Variants in LRRTM4 observed in about 807,000 individuals in gnomAD.
LRRTM4 encodes leucine rich repeat transmembrane neuronal 4.
In LRRTM4, 25 loss-of-function variants were observed where a neutral mutation model predicts 47.6. The ratio of observed to expected loss-of-function variants is 0.53; its 90% CI spans 0.38 to 0.73. The LOEUF (loss-of-function observed/expected upper bound fraction) is 0.73. LRRTM4 is among the 30% of genes least tolerant of loss of function. The pLI is 0.00. For missense variants in LRRTM4, 638 were observed against 713.4 expected (o/e 0.89, Z 1.20); for synonymous variants, 311 against 269.5 (o/e 1.15, Z -1.51).
chr2:77,220,010 T>A (rs1171009580), intron 3 of LRRTM4, among the ~76,000 whole-genome samples: 1 of 152,042 alleles, frequency 6.6e-6, no homozygotes, highest in Non-Finnish European at 1.5e-5. Context: ...AGACAAAACT[T>A]CCAGAGGAAT....
At chr2:77,517,071 T>C in intron 3 of LRRTM4, 1 of 985,132 alleles carries the variant, frequency 1.0e-6, no homozygotes. Flanking sequence ...TTCACTAGTT[T>C]CTTCCAGCAA....
chr2:77,247,527 A>G (rs759196244), intron 3 of LRRTM4, among the ~76,000 whole-genome samples: 11 of 152,132 alleles, frequency 7.2e-5, no homozygotes, highest in Non-Finnish European at 1.5e-4. Context: ...CACTCAGAAC[A>G]GAACTACTTT....
intron 3 of LRRTM4, among the ~76,000 whole-genome samples, chr2:77,045,310 C>T (rs1679197539): frequency 6.6e-6 from 1 of 151,870 alleles, no homozygotes; most frequent in Non-Finnish European, 1.5e-5. Context: ...CAACAGTTGT[C>T]TTTTCCTCAT....
At chr2:77,036,742 T>C (rs980588083) in intron 3 of LRRTM4, among the ~76,000 whole-genome samples, 5 of 151,728 alleles carry the variant, frequency 3.3e-5, no homozygotes, top group Non-Finnish European at 7.4e-5. Flanking sequence ...AGCTGGATAT[T>C]GCTGAATATC....
chr2:77,012,337 C>T (rs543978785), intron 3 of LRRTM4, among the ~76,000 whole-genome samples: 6 of 151,814 alleles, frequency 4.0e-5, no homozygotes, highest in South Asian at 4.2e-4. Context: ...AGGTTTGAAA[C>T]GGATGTTCTA....
chr2:77,260,384 T>A (rs1675887733), intron 3 of LRRTM4, among the ~76,000 whole-genome samples: 1 of 147,800 alleles, frequency 6.8e-6, no homozygotes, highest in East Asian at 2.0e-4. Context: ...CGTGTGTGTG[T>A]GTGTGTGTGT....
intron 3 of LRRTM4, among the ~76,000 whole-genome samples, chr2:77,019,446 C>T (rs1230962193): frequency 6.6e-6 from 1 of 151,850 alleles, no homozygotes; most frequent in Non-Finnish European, 1.5e-5. Flanking sequence ...TCTATGTGAC[C>T]TCAGGAAGGT....
At chr2:77,105,465 C>A (rs1671069755) in intron 3 of LRRTM4, among the ~76,000 whole-genome samples, 1 of 132,834 alleles carries the variant, frequency 7.5e-6, no homozygotes, top group Non-Finnish European at 1.5e-5. Context: ...ACAATGAGAA[C>A]ACATGGACAC....
At chr2:77,171,394 A>C (rs1488671253) in intron 3 of LRRTM4, among the ~76,000 whole-genome samples, 1 of 152,050 alleles carries the variant, frequency 6.6e-6, no homozygotes, top group East Asian at 1.9e-4. Context: ...CTCCTGCCTC[A>C]ACCTCCCAAG....
At chr2:77,010,545 C>CACACACACACACACACACACAG (rs370829024) in intron 3 of LRRTM4, among the ~76,000 whole-genome samples, 2 of 148,858 alleles carry the variant, frequency 1.3e-5, no homozygotes, top group Non-Finnish European at 3.0e-5. Flanking sequence ...CACACACACA[C>CACACACACACACACACACACAG]AGTCTTTAAC....
At chr2:76,798,182 T>A (rs1217546635) in intron 3 of LRRTM4, among the ~76,000 whole-genome samples, 4 of 152,160 alleles carry the variant, frequency 2.6e-5, no homozygotes, top group Non-Finnish European at 2.9e-5. Context: ...TATTCCAAAA[T>A]TGACCACATA....
At chr2:76,944,889 G>T (rs1051124688) in intron 3 of LRRTM4, among the ~76,000 whole-genome samples, 2 of 152,020 alleles carry the variant, frequency 1.3e-5, no homozygotes, top group East Asian at 1.9e-4. Context: ...TATTACTCAG[G>T]AATATTTACC....
intron 3 of LRRTM4, among the ~76,000 whole-genome samples, chr2:77,435,433 T>G (rs1675550123): frequency 1.3e-5 from 2 of 152,218 alleles, no homozygotes; most frequent in African/African-American, 2.4e-5. Flanking sequence ...CTAAACATTC[T>G]TAGGTCAATT....
At chr2:77,138,618 A>T (rs897746329) in intron 3 of LRRTM4, among the ~76,000 whole-genome samples, 20 of 152,322 alleles carry the variant, frequency 1.3e-4, no homozygotes, top group African/African-American at 4.3e-4. Flanking sequence ...GAAATAACTA[A>T]GATCAGAGCA....
chr2:77,161,662 T>C (rs1672732466), intron 3 of LRRTM4, among the ~76,000 whole-genome samples: 1 of 152,100 alleles, frequency 6.6e-6, no homozygotes, highest in Non-Finnish European at 1.5e-5. Flanking sequence ...CATCCACATA[T>C]AAGTGGATAC....
At position 77,299,383 on chromosome 2, in the gene LRRTM4, A is replaced by ATG. The variant is rs1471684289; in HGVS notation, c.1551+218933_1551+218934dup. On this transcript the variant is annotated intron_variant, in intron 3 of 3. Coordinates refer to ENST00000409884, the MANE Select transcript of LRRTM4 (RefSeq NM_001134745.3). ...TATGTGTGTATATATATACGTATAT[A>ATG]TGTGTGTATATATACGTATATATAC... 1.3e-4 allele frequency among the ~76,000 whole-genome samples: 19 copies of ATG among 151,524 alleles called. No homozygotes were observed. In the East Asian group the frequency reaches 3.5e-3, roughly 28 times the overall value.
chr2:77,517,282 A>G, intron 3 of LRRTM4: 1 of 983,246 alleles, frequency 1.0e-6, no homozygotes, highest in Non-Finnish European at 1.2e-6. Flanking sequence ...AAATAATATA[A>G]CATGGAAGGT....
chr2:76,902,900 G>T (rs546979342), intron 3 of LRRTM4, among the ~76,000 whole-genome samples: 4 of 152,044 alleles, frequency 2.6e-5, no homozygotes, highest in East Asian at 3.9e-4. Flanking sequence ...ACCATTTCTT[G>T]GTGTGTTTTA....
At chr2:77,449,027 CATG>C (rs1407275152) in intron 3 of LRRTM4, among the ~76,000 whole-genome samples, 1 of 152,078 alleles carries the variant, frequency 6.6e-6, no homozygotes, top group Non-Finnish European at 1.5e-5. Flanking sequence ...TGACATGCAT[CATG>C]ATTCCTAACA....
Sources: gnomAD v4.1 joint callset for allele counts (sites outside exome capture counted in the v4.1 genomes callset) on GRCh38, gnomAD v4.1.1 for gene constraint, MANE v1.5 for transcripts, NCBI Gene and HGNC (gene_info 2026-07-23, HGNC 2026-07-21) for gene names.